The following SCML2 variants were observed in gnomAD, a reference collection of about 807,000 sequenced individuals.
The protein encoded by SCML2 is Scm polycomb group protein like 2.
In SCML2, 6 loss-of-function variants were observed where a neutral mutation model predicts 48.4. The ratio of observed to expected loss-of-function variants is 0.12; its 90% CI spans 0.07 to 0.24. The LOEUF (loss-of-function observed/expected upper bound fraction) is 0.24. Among genes scored for constraint, SCML2 ranks in the 10% least tolerant of loss-of-function variants. SCML2 has a pLI of 1.00. For synonymous variants in SCML2, 181 were observed against 189.5 expected, an observed-to-expected ratio of 0.95 and a Z score of 0.37; for missense variants, 377 against 528.2, an observed-to-expected ratio of 0.71 and a Z score of 2.81.
At chrX:18,320,263 A>G (rs771941846) in intron 6 of SCML2, 69 bp downstream of exon 6, 63 of 616,430 alleles carry the variant, frequency 1.0e-4, no homozygotes, top group Admixed American at 3.4e-4. Flanking sequence ...ATGTCACAGA[A>G]GATTAAGCAT....
chrX:18,315,031 G>A (rs977360981), intron 6 of SCML2, among the ~76,000 whole-genome samples: 7 of 102,163 alleles, frequency 6.9e-5, no homozygotes, highest in African/African-American at 1.8e-4. Context: ...GGCAGAGGTT[G>A]CAGGCGGCAG....
chrX:18,327,731 C>A (rs1051682008), intron 3 of SCML2, among the ~76,000 whole-genome samples: 1 of 111,594 alleles, frequency 9.0e-6, no homozygotes, highest in Non-Finnish European at 1.9e-5. Flanking sequence ...GCCTCAGGTT[C>A]GTTGGTTTTT....
At chrX:18,351,120 A>G (rs966356297) in intron 1 of SCML2, among the ~76,000 whole-genome samples, 22 of 110,686 alleles carry the variant, frequency 2.0e-4, no homozygotes, top group Non-Finnish European at 7.6e-5. Flanking sequence ...AAATGCAAAA[A>G]TTAGCTGGGC....
chrX:18,293,989 A>C (rs1371004075), intron 7 of SCML2, among the ~76,000 whole-genome samples: 1 of 112,277 alleles, frequency 8.9e-6, no homozygotes, highest in Non-Finnish European at 1.9e-5. Flanking sequence ...CAGTAAAGGA[A>C]ATTCTGAAGG....
At chrX:18,257,831 T>G (rs12559829) in intron 10 of SCML2, among the ~76,000 whole-genome samples, 2,838 of 99,160 alleles carry the variant, frequency 0.029, 244 homozygotes, top group Admixed American at 0.22. Context: ...GAGGCTGCAG[T>G]GAGCCAAGAT....
chrX:18,247,937 T>C, intron 11 of SCML2, 55 bp from the exon 12 acceptor site: 1 of 811,967 alleles, frequency 1.2e-6, no homozygotes, highest in Non-Finnish European at 1.8e-6. Context: ...TACTCAAGCA[T>C]TTTCATATCA....
intron 11 of SCML2, 118 bp downstream of exon 11, chrX:18,256,730 T>C (rs935643299): frequency 3.7e-6 from 2 of 538,380 alleles, no homozygotes; most frequent in Non-Finnish European, 2.9e-6. Context: ...CTATATGTTA[T>C]ACATTTCTAA....
chrX:18,310,828 A>G (rs1381724853), intron 6 of SCML2, among the ~76,000 whole-genome samples: 1 of 110,118 alleles, frequency 9.1e-6, no homozygotes, highest in Non-Finnish European at 1.9e-5. Flanking sequence ...AAAATCCGAA[A>G]CCAGTCTCAG....
chrX:18,260,428 G>A (rs781173405), intron 8 of SCML2, 137 bp from the exon 9 acceptor site: 72 of 480,829 alleles, frequency 1.5e-4, no homozygotes, highest in Non-Finnish European at 2.2e-4. Context: ...GGAAACTCCC[G>A]TGTGTGTCAT....
At chrX:18,263,972 TC>T (rs1279120527) in intron 8 of SCML2, among the ~76,000 whole-genome samples, 3 of 111,640 alleles carry the variant, frequency 2.7e-5, no homozygotes, top group Non-Finnish European at 5.6e-5. Context: ...TTGCTCTGTC[TC>T]TGGTTTTCAA....
chrX:18,247,420 TATA>T (rs1229962479), intron 12 of SCML2, among the ~76,000 whole-genome samples: 1 of 112,258 alleles, frequency 8.9e-6, no homozygotes, highest in Non-Finnish European at 1.9e-5. Context: ...TACTATTTGT[TATA>T]ATATGATCAT....
At chrX:18,287,147 G>T (rs989624564) in intron 7 of SCML2, among the ~76,000 whole-genome samples, 3 of 111,664 alleles carry the variant, frequency 2.7e-5, no homozygotes, top group African/African-American at 9.8e-5. Context: ...AAAATTACAT[G>T]TTTAACACAT....
chrX:18,333,268 C>T (rs1048796254), intron 2 of SCML2, among the ~76,000 whole-genome samples: 3 of 109,898 alleles, frequency 2.7e-5, no homozygotes, highest in African/African-American at 9.9e-5. Flanking sequence ...CAGAGCAAAA[C>T]CCTGTCTCAA....
At chrX:18,330,771 A>AT in intron 2 of SCML2, 116 bp from the exon 3 acceptor site, 1 of 417,714 alleles carries the variant, frequency 2.4e-6, no homozygotes, top group South Asian at 5.2e-5. Flanking sequence ...TAATATCTTC[A>AT]TTTTCTATGT....
chrX:18,278,440 A>T (rs1285156479), intron 7 of SCML2, among the ~76,000 whole-genome samples: 3 of 111,920 alleles, frequency 2.7e-5, no homozygotes, highest in African/African-American at 9.7e-5. Context: ...TCCCCCATGG[A>T]CATGTGAATT....
intron 1 of SCML2, among the ~76,000 whole-genome samples, chrX:18,337,614 T>C (rs1272020641): frequency 9.0e-6 from 1 of 111,048 alleles, no homozygotes; most frequent in East Asian, 2.8e-4. Flanking sequence ...CATCAAAATA[T>C]GTGAGGCAGA....
At chrX:18,264,485 G>A (rs1436973332) in intron 8 of SCML2, among the ~76,000 whole-genome samples, 1 of 102,169 alleles carries the variant, frequency 9.8e-6, no homozygotes, top group East Asian at 3.1e-4. Context: ...GTGTGTCTGT[G>A]TAATGTCATC....
At chrX:18,297,380 C>A (rs1177420200) in intron 7 of SCML2, among the ~76,000 whole-genome samples, 1 of 111,951 alleles carries the variant, frequency 8.9e-6, no homozygotes, top group African/African-American at 3.3e-5. Flanking sequence ...CTAGCCAGAG[C>A]AATTAGGCAA....
At chrX:18,333,487 T>C (rs2147554184) in intron 2 of SCML2, among the ~76,000 whole-genome samples, 1 of 111,371 alleles carries the variant, frequency 9.0e-6, no homozygotes, top group African/African-American at 3.3e-5. Flanking sequence ...GAAAACAAAG[T>C]AAAACTGTAA....
Sources: allele counts gnomAD v4.1 joint callset (sites outside exome capture counted in the v4.1 genomes callset), GRCh38; gene constraint gnomAD v4.1.1; transcripts MANE v1.5; gene names NCBI Gene and HGNC (gene_info 2026-07-23, HGNC 2026-07-21).